Variants in PLXDC2 observed in about 807,000 individuals in gnomAD.
PLXDC2 encodes the protein plexin domain containing 2, also known as plexin domain-containing protein 2.
A neutral mutation model predicts 68.9 loss-of-function variants in PLXDC2; 40 were observed. The ratio of observed to expected loss-of-function variants is 0.58; its 90% confidence interval spans 0.45 to 0.76. PLXDC2 has a LOEUF of 0.76. Ranked by LOEUF, PLXDC2 falls within the 30% of genes least tolerant of loss-of-function variation. The pLI is 0.00. For missense variants in PLXDC2, 644 were observed against 661.9 expected, an observed-to-expected ratio of 0.97 and a Z score of 0.30; for synonymous variants, 243 against 234.2, an observed-to-expected ratio of 1.04 and a Z score of -0.34.
At chr10:19,824,430 TCGCC>T (rs1281277197) in intron 1 of PLXDC2, among the ~76,000 whole-genome samples, 1 of 152,224 alleles carries the variant, frequency 6.6e-6, no homozygotes, top group Non-Finnish European at 1.5e-5. Flanking sequence ...TAAAATTGAA[TCGCC>T]ATAATACATA....
At position 20,288,749 on chromosome 10, in the gene PLXDC2, T is replaced by G. The variant is rs1367242466; in HGVS notation, c.*8930T>G. The G allele has an allele frequency of 6.6e-6, 1 of 152,230 alleles. No homozygotes were observed. The highest frequency in any genetic ancestry group is 2.1e-4 in the South Asian group (1 of 4,832). The allele number at this position is 152,230 out of a possible 1,614,324, so 9.4% of individuals were successfully genotyped here. A position where few individuals can be genotyped will look rare whatever the true frequency, so the allele number is the denominator to read the frequency against. On this transcript the variant is annotated 3_prime_UTR_variant, in exon 14 of 14. Coordinates refer to ENST00000377252, the MANE Select transcript of PLXDC2 (RefSeq NM_032812.9). ...CAAGTTTCTCTGCAGCTCTTTCGGT[T>G]CTGCTTACAGTGTGTGGGAAATCTG...
rs543170085 is a variant in PLXDC2, at chr10:20,187,981, TTC to T, written c.1061+10574_1061+10575del. 1.5e-4 allele frequency among the ~76,000 whole-genome samples: 23 copies of T among 151,968 alleles called. No homozygotes were observed. In the South Asian group the frequency reaches 4.6e-3, roughly 30 times the overall value. On this transcript the variant is annotated intron_variant, in intron 9 of 13. Transcript: ENST00000377252. ...TCAATAGAAAACTGTTAATCTAAAG[TTC>T]TTTTTATATTCAATACTCAATTAAA...
intron 1 of PLXDC2, among the ~76,000 whole-genome samples, chr10:19,848,159 G>T (rs985806869): frequency 6.6e-5 from 10 of 152,098 alleles, no homozygotes; most frequent in African/African-American, 2.4e-4. Context: ...TTAAAAAAAA[G>T]AAACAGTTGT....
chr10:20,237,630 T>TG (rs938558578), intron 12 of PLXDC2, among the ~76,000 whole-genome samples: 26 of 152,340 alleles, frequency 1.7e-4, no homozygotes, highest in African/African-American at 6.3e-4. Context: ...TACTGTTCCA[T>TG]GGGGGAATTC....
At chr10:19,867,623 T>C (rs905831669) in intron 1 of PLXDC2, among the ~76,000 whole-genome samples, 6 of 152,174 alleles carry the variant, frequency 3.9e-5, no homozygotes, top group Non-Finnish European at 8.8e-5. Context: ...ACTCACAATT[T>C]TTCCTTTATT....
intron 1 of PLXDC2, among the ~76,000 whole-genome samples, chr10:19,902,783 T>C (rs1044781532): frequency 2.6e-5 from 4 of 152,222 alleles, no homozygotes; most frequent in Non-Finnish European, 5.9e-5. Context: ...GCTTTCAACT[T>C]TTCCCTGTTC....
intron 1 of PLXDC2, among the ~76,000 whole-genome samples, chr10:19,874,064 C>T (rs1342715344): frequency 6.6e-6 from 1 of 152,142 alleles, no homozygotes; most frequent in Non-Finnish European, 1.5e-5. Context: ...TGAAACTCTT[C>T]TCACTAAATT....
intron 1 of PLXDC2, among the ~76,000 whole-genome samples, chr10:19,856,461 C>G (rs547941083): frequency 5.3e-5 from 8 of 151,886 alleles, no homozygotes; most frequent in African/African-American, 1.4e-4. Flanking sequence ...TGCCAGACAT[C>G]ATCATCTGCC....
intron 13 of PLXDC2, among the ~76,000 whole-genome samples, chr10:20,273,896 A>G (rs1835971473): frequency 6.6e-6 from 1 of 152,094 alleles, no homozygotes; most frequent in African/African-American, 2.4e-5. Flanking sequence ...AATATTAGCT[A>G]GGAGTGGTGG....
chr10:20,167,818 T>C (rs1834394663), intron 7 of PLXDC2, among the ~76,000 whole-genome samples: 1 of 152,184 alleles, frequency 6.6e-6, no homozygotes, highest in South Asian at 2.1e-4. Flanking sequence ...TATATCATTC[T>C]TATCAGATTT....
chr10:19,854,357 T>C (rs938355442), intron 1 of PLXDC2, among the ~76,000 whole-genome samples: 1 of 152,196 alleles, frequency 6.6e-6, no homozygotes, highest in Non-Finnish European at 1.5e-5. Context: ...GTCCTAGATA[T>C]GTTGTTTTTA....
intron 3 of PLXDC2, among the ~76,000 whole-genome samples, chr10:20,052,768 A>C (rs904364267): frequency 2.0e-5 from 3 of 151,204 alleles, no homozygotes; most frequent in African/African-American, 7.3e-5. Flanking sequence ...GAAAAGAAAG[A>C]TTTAGCTAGG....
At chr10:19,945,971 C>T (rs1342339214) in intron 1 of PLXDC2, among the ~76,000 whole-genome samples, 1 of 152,216 alleles carries the variant, frequency 6.6e-6, no homozygotes, top group African/African-American at 2.4e-5. Flanking sequence ...CCATGCAAGA[C>T]AACATGGATT....
intron 1 of PLXDC2, among the ~76,000 whole-genome samples, chr10:19,972,636 T>G (rs1438116071): frequency 2.0e-5 from 3 of 152,022 alleles, no homozygotes; most frequent in African/African-American, 7.3e-5. Context: ...TCTCCCACGA[T>G]AAAAGTTGGA....
intron 13 of PLXDC2, among the ~76,000 whole-genome samples, chr10:20,262,365 T>C (rs901124299): frequency 6.6e-6 from 1 of 152,234 alleles, no homozygotes; most frequent in Non-Finnish European, 1.5e-5. Context: ...TTCAGTGTGA[T>C]ATTAAAAAAT....
intron 1 of PLXDC2, among the ~76,000 whole-genome samples, chr10:19,827,242 T>G (rs1836589264): frequency 6.6e-6 from 1 of 152,226 alleles, no homozygotes. Context: ...TAATTATCCT[T>G]GTACTGATAC....
intron 1 of PLXDC2, among the ~76,000 whole-genome samples, chr10:19,899,886 T>A (rs1838129297): frequency 1.3e-5 from 2 of 152,308 alleles, no homozygotes; most frequent in South Asian, 4.1e-4. Context: ...TAACTTCAAA[T>A]CTTGATATTT....
chr10:19,931,406 C>T lies in PLXDC2; in HGVS notation c.113-70369C>T, dbSNP rs533296872. On this transcript the variant is annotated intron_variant, in intron 1 of 13. Transcript: ENST00000377252. ...AAGCTTCAGCCCAACAGCTGTTTTA[C>T]AGGTGCACATGATTCAGCAACTAGC... Among the ~76,000 whole-genome samples, 3 of 152,172 alleles carry T rather than the reference C, an allele frequency of 2.0e-5. No homozygotes were observed. In the South Asian group the frequency reaches 6.2e-4, roughly 32 times the overall value.
At chr10:20,125,369 G>T (rs566254568) in intron 4 of PLXDC2, among the ~76,000 whole-genome samples, 2 of 152,246 alleles carry the variant, frequency 1.3e-5, no homozygotes, top group South Asian at 2.1e-4. Flanking sequence ...ACAATTGGAT[G>T]GTGTATTTGA....
Sources: gnomAD v4.1 joint callset for allele counts (sites outside exome capture counted in the v4.1 genomes callset) on GRCh38, gnomAD v4.1.1 for gene constraint, MANE v1.5 for transcripts, NCBI Gene and HGNC (gene_info 2026-07-23, HGNC 2026-07-21) for gene names.